The following EMILIN2 variants were observed in gnomAD, a reference collection of about 807,000 sequenced individuals.
The protein encoded by EMILIN2 is elastin microfibril interfacer 2.
EMILIN2 carries 71 observed loss-of-function variants against 87.1 expected under a neutral mutation model. That is an observed-to-expected ratio of 0.82 (90% confidence interval 0.67 to 0.99). The LOEUF is 0.99. Among genes scored for constraint, EMILIN2 ranks in the 50% least tolerant of loss-of-function variants. EMILIN2 has a pLI of 0.00. For synonymous variants in EMILIN2, 581 were observed against 563.4 expected, an observed-to-expected ratio of 1.03 and a Z score of -0.44; for missense variants, 1,407 against 1,371.8, an observed-to-expected ratio of 1.03 and a Z score of -0.40.
In EMILIN2 at chr18:2,848,116, G is replaced by A. The variant is rs2076585461; in HGVS notation, c.257+185G>A. Among the ~76,000 whole-genome samples, 4 of 152,344 alleles carry A rather than the reference G, an allele frequency of 2.6e-5. No individual in the cohort carries two copies. The South Asian group carries it at 8.3e-4, about 32-fold the overall frequency. On this transcript the variant is annotated intron_variant, in intron 2 of 7. Coordinates refer to ENST00000254528, the MANE Select transcript of EMILIN2 (RefSeq NM_032048.3). The surrounding 1 kb of genome is among the most constrained non-coding windows in gnomAD (Gnocchi z 4.1). ...GGCCACGCTGGGCTATTTAGGGAGT[G>A]GGTGCTGCCCGAGTGAGTGGGGAGG... is the stretch of plus-strand genomic sequence containing the variant.
intron 4 of EMILIN2, among the ~76,000 whole-genome samples, chr18:2,893,524 G>A (rs1281536616): frequency 6.6e-6 from 1 of 152,198 alleles, no homozygotes; most frequent in Non-Finnish European, 1.5e-5. Flanking sequence ...ATGAATGAAT[G>A]TGAATGAATG....
chr18:2,912,989 C>T (rs2076948382), intron 7 of EMILIN2, 78 bp from the exon 8 acceptor site: 2 of 1,473,216 alleles, frequency 1.4e-6, no homozygotes, highest in East Asian at 4.6e-5. Flanking sequence ...CCAGGTTAAT[C>T]ACTGGGGGGC....
At chr18:2,846,609 C>A (rs1277139917), upstream of EMILIN2, among the ~76,000 whole-genome samples, 1 of 152,316 alleles carries the variant, frequency 6.6e-6, no homozygotes, top group South Asian at 2.1e-4. The surrounding 1 kb of genome is among the most constrained non-coding windows in gnomAD (Gnocchi z 5.3). Flanking sequence ...GTCGAGCCCC[C>A]ACTCCTCTCC....
intron 2 of EMILIN2, among the ~76,000 whole-genome samples, chr18:2,881,074 C>A (rs1020546181): frequency 2.6e-5 from 4 of 152,170 alleles, no homozygotes; most frequent in African/African-American, 9.7e-5. Flanking sequence ...AGTGGGAACC[C>A]CTTTCTGCTG....
At chr18:2,893,841 G>C (rs759191480) in intron 4 of EMILIN2, among the ~76,000 whole-genome samples, 2 of 152,170 alleles carry the variant, frequency 1.3e-5, no homozygotes, top group Non-Finnish European at 2.9e-5. Context: ...GGGGAGCCAG[G>C]ATGGAAACCA....
chr18:2,863,908 A>T (rs912753410), intron 2 of EMILIN2, among the ~76,000 whole-genome samples: 2 of 152,134 alleles, frequency 1.3e-5, no homozygotes, highest in African/African-American at 4.8e-5. Flanking sequence ...GTGCTCCTGT[A>T]TTGGGTGCAT....
At position 2,907,100 on chromosome 18, in the gene EMILIN2, TGCGCGGGGAGGA is replaced by T. The variant is rs1261673643; in HGVS notation, c.2662+24_2662+35del. The T allele has an allele frequency of 6.5e-6, 8 of 1,233,552 alleles. No individual in the cohort carries two copies. The highest frequency in any genetic ancestry group is 1.6e-5 in the African/African-American group (1 of 64,144). 76.4% of individuals were successfully genotyped at this position (1,233,552 alleles called of 1,614,324 possible). On this transcript the variant is annotated intron_variant, in intron 5 of 7. Transcript: ENST00000254528. ...GGGCGCACCAGGTGAGGCCCGGGGC[TGCGCGGGGAGGA>T]GCGCGGGGCTCTCCCGGAACTTCCG...
intron 2 of EMILIN2, among the ~76,000 whole-genome samples, chr18:2,862,061 G>T (rs1188071979): frequency 2.0e-5 from 3 of 152,220 alleles, no homozygotes; most frequent in East Asian, 1.9e-4. Context: ...TAAGAATGCT[G>T]GTGATTTTTG....
chr18:2,873,049 T>C (rs1256375138), intron 2 of EMILIN2, among the ~76,000 whole-genome samples: 3 of 131,478 alleles, frequency 2.3e-5, no homozygotes, highest in African/African-American at 3.2e-5. Context: ...TTATGTGATT[T>C]AAAAAAAAAA....
chr18:2,887,210 A>G (rs76006396), intron 3 of EMILIN2, among the ~76,000 whole-genome samples: 3,255 of 152,232 alleles, frequency 0.021, 121 homozygotes, highest in African/African-American at 0.075. Context: ...CTGCTAAAAA[A>G]ACACCAAAAC....
At chr18:2,855,900 C>T (rs1286146636) in intron 2 of EMILIN2, among the ~76,000 whole-genome samples, 3 of 152,172 alleles carry the variant, frequency 2.0e-5, no homozygotes, top group African/African-American at 4.8e-5. Context: ...GAACACTCAC[C>T]GTTTTCATTG....
Position 2,890,597 on chromosome 18 carries a change from CTT to C in EMILIN2, c.472_473del (p.Leu158ValfsTer42), listed in dbSNP as rs753259664. The C allele has an allele frequency of 6.3e-7, 1 of 1,593,730 alleles. No individual in the cohort carries two copies. Among genetic ancestry groups the C allele is most frequent in the Admixed American group, 1.7e-5 (1 of 58,350 alleles). Reference sequence around the variant, plus strand: ...AGCCAATTCTCAGAGCCCAGGAAGACTTTGTCCCCAACTGGTACAGCACAACC... The same window carrying C: ...AGCCAATTCTCAGAGCCCAGGAAGACTGTCCCCAACTGGTACAGCACAACC... On this transcript the variant is annotated frameshift_variant, in exon 4 of 8. Coordinates refer to ENST00000254528, the MANE Select transcript of EMILIN2 (RefSeq NM_032048.3). LOFTEE classifies it high-confidence loss of function. This position sits in a 1 kb window ranked among gnomAD's most constrained non-coding sequence, Gnocchi z 4.7.
intron 4 of EMILIN2, among the ~76,000 whole-genome samples, chr18:2,901,601 G>C (rs907121185): frequency 2.6e-5 from 4 of 152,258 alleles, no homozygotes; most frequent in Non-Finnish European, 5.9e-5. Context: ...GCCTGGTGCA[G>C]TGTGGCTGGT....
Position 2,891,311 on chromosome 18 carries a change from A to C in EMILIN2, c.1184A>C (p.Asn395Thr). 1 of 1,614,232 alleles carries C rather than the reference A, an allele frequency of 6.2e-7. No individual in the cohort carries two copies. Among genetic ancestry groups the C allele is most frequent in the Non-Finnish European group, 8.5e-7 (1 of 1,180,046 alleles). The change falls in exon 4 of 8, where the codon AAT becomes ACT. Residue 395 changes from asparagine (N) to threonine (T), a missense_variant. Transcript: ENST00000254528. The surrounding 1 kb of genome is among the most constrained non-coding windows in gnomAD (Gnocchi z 4.6). ...ARLQEPSAQA[N>T]CCDSEKNGDI... The stretch of plus-strand genomic sequence containing the variant: ...CTACAGGAGCCTTCAGCCCAGGCAA[A>C]TTGCTGCGACAGTGAAAAGAATGGT...
intron 2 of EMILIN2, among the ~76,000 whole-genome samples, chr18:2,876,626 T>C (rs181915119): frequency 0.63 from 85,633 of 136,958 alleles, 25,640 homozygotes; most frequent in East Asian, 0.91. Context: ...ATTAGCCGGG[T>C]GTGGTGGCGG....
intron 2 of EMILIN2, among the ~76,000 whole-genome samples, chr18:2,876,511 A>C (rs1162763913): frequency 8.0e-6 from 1 of 124,530 alleles, no homozygotes; most frequent in Non-Finnish European, 1.8e-5. Context: ...TCACGCCTGT[A>C]ATCCCAGCAC....
In EMILIN2 at chr18:2,860,608, G is replaced by A. The variant is rs185882327; in HGVS notation, c.257+12677G>A. Among the ~76,000 whole-genome samples the A allele has an allele frequency of 1.4e-4, 22 of 152,304 alleles. No individual in the cohort carries two copies. The East Asian group carries it at 2.9e-3, about 20-fold the overall frequency. ...CTGTATAGTATTCCATGGTGTATATGTTCCACATTTTCTTAATCCAGTCTA... is the reference window on the plus strand; with the variant it reads ...CTGTATAGTATTCCATGGTGTATATATTCCACATTTTCTTAATCCAGTCTA... On this transcript the variant is annotated intron_variant, in intron 2 of 7. Transcript: ENST00000254528.
Position 2,913,702 on chromosome 18 carries a change from T to C in EMILIN2, c.*298T>C. 3.2e-6 allele frequency: 1 copy of C among 316,900 alleles called. No homozygotes were observed. The highest frequency in any genetic ancestry group is 4.7e-5 in the South Asian group (1 of 21,310). 19.6% of individuals were successfully genotyped at this position (316,900 alleles called of 1,614,324 possible). A position where few individuals can be genotyped will look rare whatever the true frequency, so the allele number is the denominator to read the frequency against. On this transcript the variant is annotated 3_prime_UTR_variant, in exon 8 of 8. Transcript: ENST00000254528. ...TGAGGGCCCTGGACTGGGCCTGAGC[T>C]TGCCACAGAGGCTCCGTCTGACTGT...
rs1568489239 is a variant in EMILIN2, at chr18:2,913,188, C to CGCT, written c.2948_2950dup (p.Ala983dup). On this transcript the variant is annotated inframe_insertion, in exon 8 of 8. Coordinates refer to ENST00000254528, the MANE Select transcript of EMILIN2 (RefSeq NM_032048.3). Reference sequence around the variant, plus strand: ...ACGCCAGCGTGGCCCAGCTGCATACCGCTGGGTACAGGAGAGAGTTCCTGG... The same window carrying CGCT: ...ACGCCAGCGTGGCCCAGCTGCATACCGCTGCTGGGTACAGGAGAGAGTTCCTGG... The CGCT allele has an allele frequency of 6.2e-7, 1 of 1,613,990 alleles. No homozygotes were observed.
Sources: allele counts gnomAD v4.1 joint callset (sites outside exome capture counted in the v4.1 genomes callset), GRCh38; gene constraint gnomAD v4.1.1; non-coding constraint Gnocchi (gnomAD v3.1); transcripts MANE v1.5; gene names NCBI Gene and HGNC (gene_info 2026-07-23, HGNC 2026-07-21).